Variants in TRABD2B observed in about 807,000 individuals in gnomAD.
The protein encoded by TRABD2B is TraB domain containing 2B.
In TRABD2B, 14 loss-of-function variants were observed where a neutral mutation model predicts 40.1. The ratio of observed to expected loss-of-function variants is 0.35; its 90% confidence interval spans 0.23 to 0.55. TRABD2B has a LOEUF of 0.55. TRABD2B is among the 20% of genes least tolerant of loss of function. The probability of loss-of-function intolerance (pLI) is 0.90; values close to 1 mark genes in which losing one functional copy is unlikely to be tolerated. For missense variants in TRABD2B, 541 were observed against 648.6 expected (o/e 0.83, Z 1.80); for synonymous variants, 263 against 277.0 (o/e 0.95, Z 0.50).
At chr1:47,830,427 A>G (rs1327263984) in intron 2 of TRABD2B, among the ~76,000 whole-genome samples, 2 of 152,248 alleles carry the variant, frequency 1.3e-5, no homozygotes, top group Admixed American at 1.3e-4. Flanking sequence ...TTGCATGAGA[A>G]AACCCACCAA....
At chr1:47,786,049 T>C (rs1176150928) in intron 4 of TRABD2B, among the ~76,000 whole-genome samples, 1 of 152,180 alleles carries the variant, frequency 6.6e-6, no homozygotes, top group African/African-American at 2.4e-5. Flanking sequence ...CCAGGGACCC[T>C]GAAATAATGG....
In TRABD2B at chr1:47,996,568, C is replaced by G; in HGVS notation, c.102+120G>C. On this transcript the variant is annotated intron_variant, in intron 1 of 6. Coordinates refer to ENST00000606738, the MANE Select transcript of TRABD2B (RefSeq NM_001194986.2). The surrounding 1 kb of genome is among the most constrained non-coding windows in gnomAD (Gnocchi z 4.6). The stretch of plus-strand genomic sequence containing the variant: ...AAGGAAGGGCGCCCGAGGCTGCGCC[C>G]GGGGGGTGGAGGTGGAGCGGGCGGG... The G allele has an allele frequency of 1.8e-6, 2 of 1,125,624 alleles. No individual in the cohort carries two copies. Among genetic ancestry groups the G allele is most frequent in the Non-Finnish European group, 2.2e-6 (2 of 906,628 alleles). The allele number at this position is 1,125,624 out of a possible 1,614,324, so 69.7% of individuals were successfully genotyped here. A position where few individuals can be genotyped will look rare whatever the true frequency, so the allele number is the denominator to read the frequency against.
chr1:47,845,944 G>C (rs116578023), intron 2 of TRABD2B, among the ~76,000 whole-genome samples: 1 of 152,186 alleles, frequency 6.6e-6, no homozygotes, highest in Non-Finnish European at 1.5e-5. Flanking sequence ...GACACACACA[G>C]TACGTTTCCT....
intron 5 of TRABD2B, among the ~76,000 whole-genome samples, chr1:47,776,886 T>G (rs904191078): frequency 6.6e-6 from 1 of 152,198 alleles, no homozygotes; most frequent in African/African-American, 2.4e-5. Flanking sequence ...ATGCCGCAGC[T>G]GCTGGGGAGA....
At chr1:47,943,279 C>T (rs758236891) in intron 2 of TRABD2B, among the ~76,000 whole-genome samples, 1 of 152,160 alleles carries the variant, frequency 6.6e-6, no homozygotes, top group Admixed American at 6.5e-5. Context: ...GTGAAAGATG[C>T]CAATGTTCCC....
intron 2 of TRABD2B, among the ~76,000 whole-genome samples, chr1:47,990,420 C>T (rs1019903787): frequency 6.6e-6 from 1 of 152,084 alleles, no homozygotes; most frequent in Non-Finnish European, 1.5e-5. Context: ...GGACTCAAGA[C>T]TTAGGCATCC....
chr1:47,987,856 C>T (rs983131569), intron 2 of TRABD2B, among the ~76,000 whole-genome samples: 5 of 152,172 alleles, frequency 3.3e-5, no homozygotes, highest in East Asian at 1.9e-4. Flanking sequence ...GTGAAGGTCG[C>T]GCCAGAAGAA....
chr1:47,775,898 G>T (rs1644440056), intron 5 of TRABD2B, among the ~76,000 whole-genome samples: 1 of 152,104 alleles, frequency 6.6e-6, no homozygotes, highest in Non-Finnish European at 1.5e-5. Context: ...TTTGAGCCCA[G>T]GCTAGGAAGA....
intron 2 of TRABD2B, among the ~76,000 whole-genome samples, chr1:47,811,617 T>C (rs901328609): frequency 1.3e-5 from 2 of 152,164 alleles, no homozygotes; most frequent in Admixed American, 6.5e-5. Context: ...AGGCTGATGG[T>C]TGGGACTGGC....
At chr1:47,907,004 C>T (rs529032779) in intron 2 of TRABD2B, among the ~76,000 whole-genome samples, 109 of 152,276 alleles carry the variant, frequency 7.2e-4, no homozygotes, top group African/African-American at 2.5e-3. Flanking sequence ...ATAGGCTTGG[C>T]GGTCTCCTGC....
intron 2 of TRABD2B, among the ~76,000 whole-genome samples, chr1:47,871,618 C>T (rs1025857263): frequency 6.6e-6 from 1 of 152,066 alleles, no homozygotes; most frequent in Non-Finnish European, 1.5e-5. Context: ...CAGAGATGGT[C>T]GGGACAGGTG....
chr1:47,881,649 G>C (rs1644305594), intron 2 of TRABD2B, among the ~76,000 whole-genome samples: 1 of 152,184 alleles, frequency 6.6e-6, no homozygotes, highest in Non-Finnish European at 1.5e-5. Flanking sequence ...ATGTATCCTC[G>C]TAAGTCTGTG....
At chr1:47,867,345 A>G (rs371226814) in intron 2 of TRABD2B, among the ~76,000 whole-genome samples, 2 of 152,212 alleles carry the variant, frequency 1.3e-5, no homozygotes, top group East Asian at 3.8e-4. Flanking sequence ...AAAATGCAAC[A>G]AAGTGTGGGC....
At chr1:47,796,816 A>G (rs1644755627) in intron 3 of TRABD2B, among the ~76,000 whole-genome samples, 1 of 152,280 alleles carries the variant, frequency 6.6e-6, no homozygotes, top group Non-Finnish European at 1.5e-5. Context: ...ATAATTGGAA[A>G]CCCTAACACA....
At chr1:47,954,851 A>G (rs1645395801) in intron 2 of TRABD2B, among the ~76,000 whole-genome samples, 2 of 152,180 alleles carry the variant, frequency 1.3e-5, no homozygotes, top group East Asian at 1.9e-4. Flanking sequence ...AGCTCCAGGT[A>G]TGGCTGTGGT....
At chr1:47,838,753 G>A (rs11211615) in intron 2 of TRABD2B, among the ~76,000 whole-genome samples, 47,525 of 152,042 alleles carry the variant, frequency 0.31, 7,788 homozygotes, top group Non-Finnish European at 0.37. Context: ...GATGGCTGAC[G>A]CCCAGAAGAG....
chr1:47,890,844 G>A (rs962650981), intron 2 of TRABD2B, among the ~76,000 whole-genome samples: 1 of 152,204 alleles, frequency 6.6e-6, no homozygotes, highest in African/African-American at 2.4e-5. Flanking sequence ...GAAATCCTCT[G>A]TGCATCTTCA....
chr1:47,769,618 A>G (rs1644352908), intron 6 of TRABD2B, among the ~76,000 whole-genome samples: 1 of 152,108 alleles, frequency 6.6e-6, no homozygotes, highest in South Asian at 2.1e-4. Flanking sequence ...ACCCCTTCCT[A>G]GGCTCACAAT....
At chr1:47,881,458 C>T (rs1644303236) in intron 2 of TRABD2B, among the ~76,000 whole-genome samples, 1 of 152,182 alleles carries the variant, frequency 6.6e-6, no homozygotes, top group Admixed American at 6.5e-5. Context: ...ACTTGACATC[C>T]ATTTTCCCAT....
Sources: allele counts gnomAD v4.1 joint callset (sites outside exome capture counted in the v4.1 genomes callset), GRCh38; gene constraint gnomAD v4.1.1; non-coding constraint Gnocchi (gnomAD v3.1); transcripts MANE v1.5; gene names NCBI Gene and HGNC (gene_info 2026-07-23, HGNC 2026-07-21).